HDGFL3: variants seen among roughly 807,000 people sequenced by gnomAD.
HDGFL3 encodes the protein HDGF like 3.
Under a neutral mutation model 27.6 loss-of-function variants are expected in HDGFL3, and 6 were observed. That is an observed-to-expected ratio of 0.22 (90% CI 0.12 to 0.43). HDGFL3 has a LOEUF of 0.43. HDGFL3 is among the 20% of genes least tolerant of loss of function. HDGFL3 has a pLI of 1.00. For missense variants in HDGFL3, 207 were observed against 250.1 expected (o/e 0.83, Z 1.16); for synonymous variants, 88 against 88.9 (o/e 0.99, Z 0.05).
chr15:83,157,806 G>T, intron 3 of HDGFL3, 97 bp downstream of exon 3: 1 of 1,174,488 alleles, frequency 8.5e-7, no homozygotes, highest in South Asian at 1.3e-5. Context: ...GTGACTTCAA[G>T]GTAACTATTA....
At chr15:83,150,352 G>C (rs1050980126) in intron 5 of HDGFL3, among the ~76,000 whole-genome samples, 1 of 152,130 alleles carries the variant, frequency 6.6e-6, no homozygotes, top group Non-Finnish European at 1.5e-5. Context: ...AGTAATGATA[G>C]AGGACTACTT....
At chr15:83,146,624 ACT>A (rs1209072141) in intron 5 of HDGFL3, among the ~76,000 whole-genome samples, 2 of 151,502 alleles carry the variant, frequency 1.3e-5, no homozygotes, top group African/African-American at 4.9e-5. Context: ...TCTTTACCCT[ACT>A]CTCTGCGAAA....
At chr15:83,155,992 G>C (rs1218498396) in intron 4 of HDGFL3, among the ~76,000 whole-genome samples, 1 of 152,096 alleles carries the variant, frequency 6.6e-6, no homozygotes, top group Non-Finnish European at 1.5e-5. Flanking sequence ...TGTAAATCTA[G>C]GATCATGTCA....
At chr15:83,191,707 G>C (rs2037512375) in intron 1 of HDGFL3, among the ~76,000 whole-genome samples, 1 of 152,050 alleles carries the variant, frequency 6.6e-6, no homozygotes. Flanking sequence ...GTTCCTCAAA[G>C]TCTGTCATTT....
chr15:83,170,645 T>G (rs1335148814), intron 1 of HDGFL3, among the ~76,000 whole-genome samples: 1 of 152,188 alleles, frequency 6.6e-6, no homozygotes, highest in Non-Finnish European at 1.5e-5. Flanking sequence ...AACACCATTT[T>G]GGACACAGGC....
chr15:83,191,746 G>A (rs944022112), intron 1 of HDGFL3, among the ~76,000 whole-genome samples: 1 of 151,918 alleles, frequency 6.6e-6, no homozygotes, highest in Non-Finnish European at 1.5e-5. Context: ...CAGTAACATT[G>A]ATTCTTCTGC....
chr15:83,149,146 TCA>T (rs1447744090), intron 5 of HDGFL3, among the ~76,000 whole-genome samples: 3 of 152,202 alleles, frequency 2.0e-5, no homozygotes, highest in African/African-American at 7.2e-5. Context: ...TCTTTCAGTC[TCA>T]GTTTCCCCAA....
chr15:83,123,087 G>A (rs1286619891), downstream of HDGFL3, among the ~76,000 whole-genome samples: 1 of 152,178 alleles, frequency 6.6e-6, no homozygotes, highest in Non-Finnish European at 1.5e-5. Context: ...TGCTTCTGTT[G>A]GCAAGGCCAT....
chr15:83,196,698 T>G (rs1184118401), intron 1 of HDGFL3, among the ~76,000 whole-genome samples: 3 of 151,924 alleles, frequency 2.0e-5, no homozygotes, highest in Non-Finnish European at 4.4e-5. Context: ...GTAGTGAAGA[T>G]GAGATCAGAA....
chr15:83,201,676 C>T lies in HDGFL3; in HGVS notation c.84+5655G>A, dbSNP rs1026355738. 5.3e-5 allele frequency among the ~76,000 whole-genome samples: 8 copies of T among 151,998 alleles called. No homozygotes were observed. The South Asian group carries it at 1.0e-3, about 20-fold the overall frequency. Reference sequence around the variant, plus strand: ...TCTCTAATAGTAGAAAACTGACTTCCGAGAATTAATATTATTTTCCAAATC... The same window carrying T: ...TCTCTAATAGTAGAAAACTGACTTCTGAGAATTAATATTATTTTCCAAATC... On this transcript the variant is annotated intron_variant, in intron 1 of 5. Transcript: ENST00000299633.
chr15:83,207,482 G>A lies in HDGFL3; in HGVS notation c.-68C>T, dbSNP rs986061590. ...ATGCCGGGAGGCCGCCCCCCCGCGG[G>A]CCGACGAATTGCGCCGCGCTCCCCG... On this transcript the variant is annotated 5_prime_UTR_variant, in exon 1 of 6. Transcript: ENST00000299633. The surrounding 1 kb of genome is among the most constrained non-coding windows in gnomAD (Gnocchi z 4.8). 2.6e-6 allele frequency: 3 copies of A among 1,171,894 alleles called. No homozygotes were observed. The highest frequency in any genetic ancestry group is 3.2e-5 in the African/African-American group (2 of 62,554). 72.6% of individuals were successfully genotyped at this position (1,171,894 alleles called of 1,614,324 possible).
chr15:83,136,411 T>A lies in HDGFL3; in HGVS notation c.*2859A>T, dbSNP rs923609348. ...CAGAAACGTAGCCTGAATGAACCAT[T>A]CAGAACTCATCATGCATCCAACTGA... On this transcript the variant is annotated 3_prime_UTR_variant, in exon 6 of 6. Coordinates refer to ENST00000299633, the MANE Select transcript of HDGFL3 (RefSeq NM_016073.4). 1 of 1,405,632 alleles carries A rather than the reference T, an allele frequency of 7.1e-7. No homozygotes were observed. Among genetic ancestry groups the A allele is most frequent in the Non-Finnish European group, 9.6e-7 (1 of 1,039,136 alleles). 87.1% of individuals were successfully genotyped at this position (1,405,632 alleles called of 1,614,324 possible). A position where few individuals can be genotyped will look rare whatever the true frequency, so the allele number is the denominator to read the frequency against.
intron 1 of HDGFL3, among the ~76,000 whole-genome samples, chr15:83,164,919 T>A (rs2151406084): frequency 6.6e-6 from 1 of 152,384 alleles, no homozygotes; most frequent in Middle Eastern, 3.4e-3. Flanking sequence ...GAGTTGTTTA[T>A]AAGCATGCTA....
intron 1 of HDGFL3, among the ~76,000 whole-genome samples, chr15:83,175,908 C>A (rs1390288099): frequency 1.3e-4 from 20 of 152,210 alleles, no homozygotes; most frequent in Non-Finnish European, 1.5e-5. Flanking sequence ...CATGGCTGAA[C>A]ACACAACACC....
chr15:83,172,284 CTCA>C (rs906696594), intron 1 of HDGFL3, among the ~76,000 whole-genome samples: 7 of 152,266 alleles, frequency 4.6e-5, no homozygotes, highest in Admixed American at 1.3e-4. Flanking sequence ...CAAGAATGCC[CTCA>C]TAAGATGCCA....
intron 1 of HDGFL3, chr15:83,185,148 C>G (rs981068986): frequency 6.6e-6 from 1 of 152,396 alleles, no homozygotes; most frequent in South Asian, 2.1e-4. Context: ...CTCAGCCTCC[C>G]GAGTAGCTGG....
At chr15:83,112,809 T>C (rs2034307921) in exon 4 of HDGFL3, 1 of 1,614,052 alleles carries the variant, frequency 6.2e-7, no homozygotes, top group Non-Finnish European at 8.5e-7. Flanking sequence ...CCTGGACTAT[T>C]GTAGGGGTTG....
chr15:83,194,142 C>A (rs1227964996), intron 1 of HDGFL3, among the ~76,000 whole-genome samples: 1 of 152,080 alleles, frequency 6.6e-6, no homozygotes, highest in Non-Finnish European at 1.5e-5. Context: ...GCATCATTCA[C>A]AATAACCAAA....
At position 83,161,582 on chromosome 15, in the gene HDGFL3, C is replaced by T. The variant is rs932157514; in HGVS notation, c.161+2417G>A. ...CCCACTTTTGGATGTATGAGATGGA[C>T]GTCTTCCTGCTACAGGAAGCATTCT... On this transcript the variant is annotated intron_variant, in intron 2 of 5. Coordinates refer to ENST00000299633, the MANE Select transcript of HDGFL3 (RefSeq NM_016073.4). Among the ~76,000 whole-genome samples the T allele has an allele frequency of 4.3e-4, 66 of 152,250 alleles. 1 individual carries two copies. Among genetic ancestry groups the T allele is most frequent in the East Asian group, 1.9e-4 (1 of 5,184 alleles).
Sources: gnomAD v4.1 joint callset for allele counts (sites outside exome capture counted in the v4.1 genomes callset) on GRCh38, gnomAD v4.1.1 for gene constraint, Gnocchi (gnomAD v3.1) non-coding constraint, MANE v1.5 for transcripts, NCBI Gene and HGNC (gene_info 2026-07-23, HGNC 2026-07-21) for gene names.